Variants in EPB41L5 observed in about 807,000 individuals in gnomAD.
EPB41L5 encodes band 4.1-like protein 5.
A neutral mutation model predicts 106.6 loss-of-function variants in EPB41L5; 55 were observed. That is an observed-to-expected ratio of 0.52 (90% CI 0.42 to 0.65). The LOEUF (loss-of-function observed/expected upper bound fraction) is 0.65. Ranked by LOEUF, EPB41L5 falls within the 30% of genes least tolerant of loss-of-function variation. The pLI, the probability that EPB41L5 is intolerant of heterozygous loss-of-function variation, is 0.00. For missense variants in EPB41L5, 871 were observed against 882.1 expected (o/e 0.99, Z 0.16); for synonymous variants, 297 against 306.7 (o/e 0.97, Z 0.33).
chr2:120,057,280 T>C (rs1220960774), intron 3 of EPB41L5, among the ~76,000 whole-genome samples: 1 of 152,210 alleles, frequency 6.6e-6, no homozygotes, highest in African/African-American at 2.4e-5. Context: ...AGTATTATTC[T>C]GGTAAACCAG....
intron 18 of EPB41L5, among the ~76,000 whole-genome samples, chr2:120,133,628 G>A (rs149861971): frequency 2.9e-3 from 435 of 152,264 alleles, no homozygotes; most frequent in Non-Finnish European, 4.5e-3. Flanking sequence ...CTAGCCCACC[G>A]CTGTGGGCTA....
intron 20 of EPB41L5, among the ~76,000 whole-genome samples, chr2:120,150,149 A>T (rs867210243): frequency 1.3e-5 from 2 of 151,938 alleles, no homozygotes; most frequent in African/African-American, 4.8e-5. Context: ...CTCCCATCCC[A>T]GCCTTCCAAA....
chr2:120,131,599 CT>C lies in EPB41L5; in HGVS notation c.1502-9del, dbSNP rs139599074. The C allele has an allele frequency of 2.5e-4, 330 of 1,339,672 alleles. No individual in the cohort carries two copies. The highest frequency in any genetic ancestry group is 7.2e-4 in the South Asian group (54 of 75,020). 83.0% of individuals were successfully genotyped at this position (1,339,672 alleles called of 1,614,324 possible). A position where few individuals can be genotyped will look rare whatever the true frequency, so the allele number is the denominator to read the frequency against. On this transcript the variant is annotated intron_variant, in intron 17 of 24. Coordinates refer to ENST00000263713, the MANE Select transcript of EPB41L5 (RefSeq NM_020909.4). The stretch of plus-strand genomic sequence containing the variant: ...GCCTGGCAGACTGGGGTTATTTTGC[CT>C]TTTTTTTTTCTTTTCAGCATTAAAA...
At chr2:120,135,697 A>G (rs72841635) in intron 18 of EPB41L5, among the ~76,000 whole-genome samples, 6,965 of 152,236 alleles carry the variant, frequency 0.046, 231 homozygotes, top group Non-Finnish European at 0.071. Flanking sequence ...GTGGCATGAC[A>G]TATTTAAAGT....
Position 120,100,827 on chromosome 2 carries a change from C to T in EPB41L5, c.1337+13C>T, listed in dbSNP as rs773098291. 10 of 1,511,880 alleles carry T rather than the reference C, an allele frequency of 6.6e-6. No homozygotes were observed. Among genetic ancestry groups the T allele is most frequent in the Non-Finnish European group, 9.1e-6 (10 of 1,103,966 alleles). 93.7% of individuals were successfully genotyped at this position (1,511,880 alleles called of 1,614,324 possible). A position where few individuals can be genotyped will look rare whatever the true frequency, so the allele number is the denominator to read the frequency against. On this transcript the variant is annotated intron_variant, in intron 16 of 24. Coordinates refer to ENST00000263713, the MANE Select transcript of EPB41L5 (RefSeq NM_020909.4). ...ATGACAGGAAATGGTTTGTTAATTC[C>T]TTAAACTAAAATAAAATATTGCCTA... is the stretch of plus-strand genomic sequence containing the variant.
chr2:120,098,143 T>C (rs1183429546), intron 14 of EPB41L5, among the ~76,000 whole-genome samples: 1 of 147,974 alleles, frequency 6.8e-6, no homozygotes, highest in Non-Finnish European at 1.5e-5. Flanking sequence ...GGATCTGCAC[T>C]AAATTGTTTG....
rs139832424 is a variant in EPB41L5, at chr2:120,060,436, G to T, written c.286-12742G>T. On this transcript the variant is annotated intron_variant, in intron 3 of 24. Coordinates refer to ENST00000263713, the MANE Select transcript of EPB41L5 (RefSeq NM_020909.4). ...ATGTAATACTACTCAGCAATAAAAA[G>T]AAAAAACTATTGATACACACCAACT... Among the ~76,000 whole-genome samples, 477 of 152,178 alleles carry T rather than the reference G, an allele frequency of 3.1e-3. 1 individual carries two copies. The highest frequency in any genetic ancestry group is 0.011 in the African/African-American group (463 of 41,522).
At chr2:120,053,462 C>T (rs1680425111) in intron 3 of EPB41L5, among the ~76,000 whole-genome samples, 3 of 152,258 alleles carry the variant, frequency 2.0e-5, no homozygotes, top group Admixed American at 2.0e-4. Context: ...TTTTCATCAC[C>T]CCCAAAGAAA....
At chr2:120,128,044 T>G (rs1685536340) in intron 17 of EPB41L5, 193 bp downstream of exon 17, 1 of 422,678 alleles carries the variant, frequency 2.4e-6, no homozygotes, top group African/African-American at 2.0e-5. Context: ...TTGAGGTCAT[T>G]AAACTTGTGT....
chr2:120,076,470 C>CTT (rs35333671), intron 7 of EPB41L5, among the ~76,000 whole-genome samples: 4,698 of 58,866 alleles, frequency 0.08, 1,059 homozygotes, highest in Middle Eastern at 0.18. Context: ...AATTTTTGTA[C>CTT]TTTTTTTTTT....
chr2:120,139,309 A>G (rs1275963483), intron 18 of EPB41L5, among the ~76,000 whole-genome samples: 2 of 152,072 alleles, frequency 1.3e-5, no homozygotes, highest in African/African-American at 4.8e-5. Flanking sequence ...AGGCAACCAA[A>G]GCAAAAATAG....
At position 120,094,262 on chromosome 2, in the gene EPB41L5, C is replaced by T. The variant is rs564772874; in HGVS notation, c.1178+986C>T. Among the ~76,000 whole-genome samples, 7 of 152,288 alleles carry T rather than the reference C, an allele frequency of 4.6e-5. No homozygotes were observed. In the East Asian group the frequency reaches 1.4e-3, roughly 29 times the overall value. On this transcript the variant is annotated intron_variant, in intron 14 of 24. Transcript: ENST00000263713. Reference sequence around the variant, plus strand: ...TCTGCCTCCCGTCTTGCTGGGATTACAGGCGTGAGCCACAGCACCAGGCCC... The same window carrying T: ...TCTGCCTCCCGTCTTGCTGGGATTATAGGCGTGAGCCACAGCACCAGGCCC...
At chr2:120,053,391 T>TA (rs1680419790) in intron 3 of EPB41L5, among the ~76,000 whole-genome samples, 1 of 152,226 alleles carries the variant, frequency 6.6e-6, no homozygotes, top group Non-Finnish European at 1.5e-5. Context: ...TTTTAGATTG[T>TA]ACAATTCAGA....
chr2:120,136,852 C>A (rs536948698), intron 18 of EPB41L5, among the ~76,000 whole-genome samples: 2 of 151,988 alleles, frequency 1.3e-5, no homozygotes, highest in South Asian at 4.1e-4. Context: ...AAAATTAACT[C>A]AAAAAATTGG....
chr2:120,174,112 C>T (rs1263149311), intron 24 of EPB41L5, among the ~76,000 whole-genome samples: 1 of 152,154 alleles, frequency 6.6e-6, no homozygotes, highest in East Asian at 1.9e-4. Context: ...ACGGCTCTAA[C>T]AAAATAGATT....
In EPB41L5 at chr2:120,019,216, G is replaced by A. The variant is rs747034537; in HGVS notation, c.132G>A (p.Thr44=). The A allele has an allele frequency of 1.6e-5, 26 of 1,613,764 alleles. No homozygotes were observed. The South Asian group carries it at 1.9e-4, about 12-fold the overall frequency. Residue 44 remains threonine, a synonymous_variant, in exon 2 of 25, where the codon ACG becomes ACA. Coordinates refer to ENST00000263713, the MANE Select transcript of EPB41L5 (RefSeq NM_020909.4). Reference sequence around the variant, plus strand: ...CTGGAGATTCTAAGTCCATCATCACGTGTCGGGTGTCCCTTCTGGATGGTA... The same window carrying A: ...CTGGAGATTCTAAGTCCATCATCACATGTCGGGTGTCCCTTCTGGATGGTA... The part of the protein sequence containing the change: ...PAAGDSKSII[T]CRVSLLDGTD...
At chr2:120,136,471 T>TA (rs1021678915) in intron 18 of EPB41L5, among the ~76,000 whole-genome samples, 189 of 138,492 alleles carry the variant, frequency 1.4e-3, no homozygotes, top group Middle Eastern at 3.5e-3. Flanking sequence ...CTACATGGAT[T>TA]AAAAAAAAAA....
intron 2 of EPB41L5, among the ~76,000 whole-genome samples, chr2:120,034,940 T>C (rs1678948770): frequency 6.6e-6 from 1 of 152,230 alleles, no homozygotes; most frequent in African/African-American, 2.4e-5. Context: ...TAGTTTTCTT[T>C]TTCATTTCCA....
chr2:120,119,440 C>T (rs545279523), intron 16 of EPB41L5, among the ~76,000 whole-genome samples: 2 of 152,116 alleles, frequency 1.3e-5, no homozygotes, highest in Admixed American at 6.5e-5. Flanking sequence ...ATGCCTCTGT[C>T]GTGAATGGTA....
Sources: gnomAD v4.1 joint callset for allele counts (sites outside exome capture counted in the v4.1 genomes callset) on GRCh38, gnomAD v4.1.1 for gene constraint, MANE v1.5 for transcripts, NCBI Gene and HGNC (gene_info 2026-07-23, HGNC 2026-07-21) for gene names.